Variants in EXOC6B observed in about 807,000 individuals in gnomAD.
EXOC6B encodes exocyst complex component 6B.
In EXOC6B, 54 loss-of-function variants were observed where a neutral mutation model predicts 113.5. That is an observed-to-expected ratio of 0.48 (90% CI 0.38 to 0.60). EXOC6B has a LOEUF of 0.60. EXOC6B is among the 20% of genes least tolerant of loss of function. The pLI is 0.00. For synonymous variants in EXOC6B, 357 were observed against 339.0 expected (o/e 1.05, Z -0.58); for missense variants, 797 against 977.5 (o/e 0.82, Z 2.46).
intron 17 of EXOC6B, among the ~76,000 whole-genome samples, chr2:72,467,581 G>T (rs1225554198): frequency 6.6e-6 from 1 of 152,092 alleles, no homozygotes; most frequent in African/African-American, 2.4e-5. Flanking sequence ...GATGACTAAT[G>T]ATGTTGAATA....
At chr2:72,671,751 GAAAGAAAGAAAGAAAGAA>G (rs1675829768) in intron 6 of EXOC6B, among the ~76,000 whole-genome samples, 1 of 9,098 alleles carries the variant, frequency 1.1e-4, no homozygotes, top group African/African-American at 1.4e-4. Flanking sequence ...GAGAGACAGA[GAAAGAAAGAAAGAAAGAA>G]AGAAAGAAAG....
At chr2:72,306,151 T>A (rs1686844247) in intron 20 of EXOC6B, among the ~76,000 whole-genome samples, 2 of 151,990 alleles carry the variant, frequency 1.3e-5, no homozygotes, top group African/African-American at 4.8e-5. Flanking sequence ...AAAGAGATAT[T>A]CATAAATATC....
intron 1 of EXOC6B, among the ~76,000 whole-genome samples, chr2:72,801,562 A>G (rs1685272398): frequency 6.6e-6 from 1 of 152,194 alleles, no homozygotes; most frequent in South Asian, 2.1e-4. Context: ...GAAACTTTCA[A>G]TAAAACTTAT....
At chr2:72,240,363 A>G (rs1200422897) in intron 20 of EXOC6B, among the ~76,000 whole-genome samples, 1 of 152,228 alleles carries the variant, frequency 6.6e-6, no homozygotes, top group Non-Finnish European at 1.5e-5. Flanking sequence ...AGAAAAATGC[A>G]CTTGAACTCC....
At chr2:72,212,724 T>C (rs568906518) in intron 20 of EXOC6B, among the ~76,000 whole-genome samples, 156 of 152,360 alleles carry the variant, frequency 1.0e-3, no homozygotes, top group African/African-American at 3.6e-3. Context: ...ACAACTCTTA[T>C]GTTCTCTATC....
chr2:72,527,492 A>G (rs1701799914), intron 8 of EXOC6B, among the ~76,000 whole-genome samples: 1 of 152,126 alleles, frequency 6.6e-6, no homozygotes, highest in Non-Finnish European at 1.5e-5. Context: ...GCTATTATAA[A>G]TGAAGCTATT....
intron 20 of EXOC6B, among the ~76,000 whole-genome samples, chr2:72,292,556 T>A (rs1209180397): frequency 1.3e-5 from 2 of 152,120 alleles, no homozygotes; most frequent in Non-Finnish European, 2.9e-5. Flanking sequence ...TGTGTGTGTG[T>A]GTGTTGAATA....
intron 6 of EXOC6B, among the ~76,000 whole-genome samples, chr2:72,665,389 G>C (rs998227885): frequency 2.6e-5 from 4 of 152,066 alleles, no homozygotes; most frequent in Admixed American, 1.3e-4. Context: ...CATGCCCAAG[G>C]CACAGTCATC....
At chr2:72,431,077 G>A (rs1469250502) in intron 18 of EXOC6B, among the ~76,000 whole-genome samples, 1 of 152,106 alleles carries the variant, frequency 6.6e-6, no homozygotes, top group Non-Finnish European at 1.5e-5. Flanking sequence ...TAATCATAAT[G>A]GAACTAAAAG....
chr2:72,782,377 T>C (rs193292304), intron 1 of EXOC6B, among the ~76,000 whole-genome samples: 17 of 152,304 alleles, frequency 1.1e-4, no homozygotes, highest in Admixed American at 7.2e-4. Context: ...ACCTTTTCTT[T>C]TTTATTTTTT....
intron 6 of EXOC6B, among the ~76,000 whole-genome samples, chr2:72,632,760 C>T (rs1672557859): frequency 6.6e-6 from 1 of 152,068 alleles, no homozygotes. Context: ...TGGCTCAGTG[C>T]AGTCTTGACC....
chr2:72,513,703 T>G (rs531949839), intron 10 of EXOC6B, among the ~76,000 whole-genome samples: 2 of 151,892 alleles, frequency 1.3e-5, no homozygotes, highest in Admixed American at 6.6e-5. Flanking sequence ...GCACAAAATA[T>G]CAAAATAATT....
intron 6 of EXOC6B, among the ~76,000 whole-genome samples, chr2:72,632,072 T>C (rs562790269): frequency 4.7e-4 from 71 of 152,130 alleles, no homozygotes; most frequent in Non-Finnish European, 7.4e-4. Context: ...GAATAGGTGA[T>C]GCTACATGAA....
At chr2:72,745,430 A>G (rs1314068297) in intron 1 of EXOC6B, among the ~76,000 whole-genome samples, 1 of 152,102 alleles carries the variant, frequency 6.6e-6, no homozygotes, top group Non-Finnish European at 1.5e-5. Context: ...GGTTTGCAGT[A>G]GATCGCCAGA....
chr2:72,539,936 A>AT (rs1702504969), intron 8 of EXOC6B, among the ~76,000 whole-genome samples: 1 of 131,036 alleles, frequency 7.6e-6, no homozygotes, highest in African/African-American at 2.8e-5. Context: ...TCCTAATGCT[A>AT]TCCCTCCCCC....
chr2:72,626,874 T>C (rs916613488), intron 6 of EXOC6B, among the ~76,000 whole-genome samples: 3 of 152,198 alleles, frequency 2.0e-5, no homozygotes, highest in Non-Finnish European at 4.4e-5. Context: ...TTCAGTCTTA[T>C]GCTGTGGGCT....
chr2:72,182,812 G>T, intron 21 of EXOC6B: 1 of 969,934 alleles, frequency 1.0e-6, no homozygotes, highest in Non-Finnish European at 1.3e-6. Context: ...AGGGATTTTA[G>T]TGTAGTCATT....
intron 6 of EXOC6B, among the ~76,000 whole-genome samples, chr2:72,690,551 A>G (rs1204274482): frequency 6.6e-6 from 1 of 152,242 alleles, no homozygotes; most frequent in Non-Finnish European, 1.5e-5. Context: ...TCACTGATTA[A>G]CTACTACTGA....
chr2:72,367,944 T>C (rs540774479), intron 19 of EXOC6B, among the ~76,000 whole-genome samples: 2 of 152,140 alleles, frequency 1.3e-5, no homozygotes, highest in African/African-American at 4.8e-5. Flanking sequence ...TCTGCGGTCT[T>C]GAGTAAACTT....
Sources: allele counts gnomAD v4.1 joint callset (sites outside exome capture counted in the v4.1 genomes callset), GRCh38; gene constraint gnomAD v4.1.1; transcripts MANE v1.5; gene names NCBI Gene and HGNC (gene_info 2026-07-23, HGNC 2026-07-21).